Variants in XKR5 observed in about 807,000 individuals in gnomAD.
XKR5 encodes XK related 5.
In XKR5, 46 loss-of-function variants were observed where a neutral mutation model predicts 40.8. That is an observed-to-expected ratio of 1.13 (90% CI 0.89 to 1.44). XKR5 has a LOEUF of 1.44. Among genes scored for constraint, XKR5 ranks in the 40% most tolerant of loss-of-function variants. The pLI, the probability that XKR5 is intolerant of heterozygous loss-of-function variation, is 0.00. For missense variants in XKR5, 1,169 were observed against 844.7 expected, an observed-to-expected ratio of 1.38 and a Z score of -4.76; for synonymous variants, 466 against 356.1, an observed-to-expected ratio of 1.31 and a Z score of -3.48.
rs543351663 is a variant in XKR5 at position 6,810,600 on chromosome 8, A to C, written c.*598T>G. The C allele has an allele frequency of 6.6e-6, 1 of 152,442 alleles. No homozygotes were observed. Among genetic ancestry groups the C allele is most frequent in the Non-Finnish European group, 1.5e-5 (1 of 68,130 alleles). The allele number at this position is 152,442 out of a possible 1,614,324, so 9.4% of individuals were successfully genotyped here. On this transcript the variant is annotated 3_prime_UTR_variant, in exon 7 of 7. Transcript: ENST00000618742. ...AGCATGGGTGAGGCTGAGCTAAGTG[A>C]GTCTACCCTTCCTTTTTAAAAGCTC...
At chr8:6,827,348 T>C (rs1188294860) in intron 2 of XKR5, among the ~76,000 whole-genome samples, 1 of 152,204 alleles carries the variant, frequency 6.6e-6, no homozygotes, top group Non-Finnish European at 1.5e-5. Context: ...CCAAGCTGGA[T>C]GCATCTCGAA....
intron 5 of XKR5, among the ~76,000 whole-genome samples, chr8:6,820,976 T>G (rs186767381): frequency 1.3e-5 from 2 of 152,320 alleles, no homozygotes; most frequent in East Asian, 1.9e-4. Context: ...CAGCTACTTA[T>G]GTATATTATT....
Position 6,835,456 on chromosome 8 carries a change from T to G in XKR5, c.38A>C (p.Gln13Pro). ...ARLLGLSALL[Q>P]AAEQSARLYT... ...CTCACGCGCGCTCTGCTCGGCCGCC[T>G]GCAGCAGGGCCGAGAGCCCCAGGAG... Residue 13 changes from glutamine (Q) to proline (P), a missense_variant, in exon 1 of 7, where the codon CAG (glutamine) becomes CCG (proline). Physicochemically the swap from Gln to Pro is moderately conservative, Grantham distance 76. Transcript: ENST00000618742. 1 of 1,498,752 alleles carries G rather than the reference T, an allele frequency of 6.7e-7. No individual in the cohort carries two copies. 92.8% of individuals were successfully genotyped at this position (1,498,752 alleles called of 1,614,324 possible). A position where few individuals can be genotyped will look rare whatever the true frequency, so the allele number is the denominator to read the frequency against.
chr8:6,831,185 G>A (rs1465715094), intron 2 of XKR5, among the ~76,000 whole-genome samples: 1 of 152,192 alleles, frequency 6.6e-6, no homozygotes, highest in East Asian at 1.9e-4. Context: ...TTACTGGGCT[G>A]GGCCGATCAG....
At chr8:6,833,868 T>C (rs1024965705) in intron 1 of XKR5, among the ~76,000 whole-genome samples, 13 of 152,210 alleles carry the variant, frequency 8.5e-5, no homozygotes, top group African/African-American at 3.1e-4. Flanking sequence ...TGTTGGGCAA[T>C]ATACGACATG....
Position 6,832,645 on chromosome 8 carries a change from C to T in XKR5, c.242+72G>A, listed in dbSNP as rs564357266. The T allele has an allele frequency of 6.3e-6, 10 of 1,576,432 alleles. No homozygotes were observed. The African/African-American group carries it at 9.5e-5, about 15-fold the overall frequency. ...TTTATGAGCTTGAGGACAGAATCCA[C>T]ATGGAGAGAAGATTCCTCTCACTGC... On this transcript the variant is annotated intron_variant, in intron 2 of 6. Coordinates refer to ENST00000618742, the MANE Select transcript of XKR5 (RefSeq NM_207411.5).
At chr8:6,830,813 G>A (rs1366536703) in intron 2 of XKR5, among the ~76,000 whole-genome samples, 1 of 152,044 alleles carries the variant, frequency 6.6e-6, no homozygotes, top group Non-Finnish European at 1.5e-5. Context: ...ATATACACCA[G>A]AAAATCATGG....
In XKR5 at chr8:6,812,063, A is replaced by C; in HGVS notation, c.1196T>G (p.Phe399Cys). Residue 399 changes from phenylalanine to cysteine, a missense_variant, in exon 7 of 7, where the codon TTC (phenylalanine) becomes TGC (cysteine). Physicochemically the swap from Phe to Cys is radical, Grantham distance 205. Transcript: ENST00000618742. Reference protein sequence around the residue: ...LGTQVAVEDSFLSHHHWLWVK... With the variant: ...LGTQVAVEDSCLSHHHWLWVK... ...CCACAGCCAGTGGTGATGACTGAGG[A>C]AAGAGTCCTCCACAGCAACCTGGGT... 1 of 1,539,984 alleles carries C rather than the reference A, an allele frequency of 6.5e-7. No homozygotes were observed. The highest frequency in any genetic ancestry group is 8.7e-7 in the Non-Finnish European group (1 of 1,146,932).
At chr8:6,828,143 C>G (rs1228464701) in intron 2 of XKR5, among the ~76,000 whole-genome samples, 1 of 152,062 alleles carries the variant, frequency 6.6e-6, no homozygotes, top group Non-Finnish European at 1.5e-5. Context: ...GGAAAGAAAA[C>G]ATACAAATGC....
At chr8:6,819,693 C>T (rs1033671646) in intron 5 of XKR5, among the ~76,000 whole-genome samples, 1 of 152,178 alleles carries the variant, frequency 6.6e-6, no homozygotes, top group Non-Finnish European at 1.5e-5. Context: ...GGTTGCAGCC[C>T]CACCTCAGAA....
Position 6,811,221 on chromosome 8 carries a change from G to A in XKR5, c.2038C>T (p.Gln680Ter), listed in dbSNP as rs1251170769. 4 of 1,536,564 alleles carry A rather than the reference G, an allele frequency of 2.6e-6. No homozygotes were observed. Among genetic ancestry groups the A allele is most frequent in the South Asian group, 1.2e-5 (1 of 84,020 alleles). Residue 680 changes from glutamine (Q) to a stop codon, truncating the protein, a stop_gained, in exon 7 of 7, where the codon CAA becomes TAA. Coordinates refer to ENST00000618742, the MANE Select transcript of XKR5 (RefSeq NM_207411.5). LOFTEE classifies it high-confidence loss of function. ...TDCSCREQMK[Q>*]EPSFFI ...GGTCAGATGAAAAAACTCGGCTCTT[G>A]CTTCATCTGTTCCCTGCAGCTGCAG... is the stretch of plus-strand genomic sequence containing the variant.
At chr8:6,835,362 C>T (rs1302163482) in intron 1 of XKR5, 74 bp downstream of exon 1, 5 of 1,336,160 alleles carry the variant, frequency 3.7e-6, no homozygotes, top group Admixed American at 7.9e-5. Context: ...GCATAGGCAG[C>T]CTGTGCGGCT....
At chr8:6,815,292 A>C (rs1050504773) in intron 6 of XKR5, among the ~76,000 whole-genome samples, 3 of 152,332 alleles carry the variant, frequency 2.0e-5, no homozygotes, top group Admixed American at 2.0e-4. Flanking sequence ...GGCTGATGAC[A>C]GTGCCAGGCC....
chr8:6,814,208 C>T (rs534943355), intron 6 of XKR5, among the ~76,000 whole-genome samples: 46 of 152,240 alleles, frequency 3.0e-4, no homozygotes, highest in African/African-American at 9.9e-4. Flanking sequence ...CAATGCTCTG[C>T]GATTCAAATG....
chr8:6,821,924 C>T lies in XKR5; in HGVS notation c.752G>A (p.Cys251Tyr). ...NLLVGAVYIL[C>Y]YLSFWDSPSR... ...AGGGCTGTCCCAGAAGCTGAGGTAG[C>T]AGAGGATGTACACGGCCCCCACGAG... Residue 251 changes from cysteine to tyrosine, a missense_variant, in exon 5 of 7, where the codon TGC (cysteine) becomes TAC (tyrosine). Cys to Tyr is a radical substitution (Grantham distance 194). Transcript: ENST00000618742. The T allele has an allele frequency of 6.2e-7, 1 of 1,613,318 alleles. No homozygotes were observed. The highest frequency in any genetic ancestry group is 1.1e-5 in the South Asian group (1 of 90,908).
chr8:6,826,202 G>T (rs1334890042), intron 2 of XKR5, among the ~76,000 whole-genome samples: 4 of 152,096 alleles, frequency 2.6e-5, no homozygotes. Flanking sequence ...CAAAACATAT[G>T]CATATGTATA....
intron 5 of XKR5, among the ~76,000 whole-genome samples, chr8:6,821,117 C>G (rs550085093): frequency 6.6e-6 from 1 of 152,176 alleles, no homozygotes; most frequent in Non-Finnish European, 1.5e-5. Flanking sequence ...AAATTCTTGG[C>G]TGAAGCCAGC....
chr8:6,819,764 G>A lies in XKR5; in HGVS notation c.807+2105C>T, dbSNP rs561498059. On this transcript the variant is annotated intron_variant, in intron 5 of 6. Transcript: ENST00000618742. ...TAATAGGTTATCCTCGGAGTTATGT[G>A]TTATTTCACCTCTTTATGGTGATAT... 3.9e-5 allele frequency among the ~76,000 whole-genome samples: 6 copies of A among 152,244 alleles called. No individual in the cohort carries two copies. The East Asian group carries it at 9.7e-4, about 25-fold the overall frequency.
At chr8:6,827,376 C>G (rs2980956) in intron 2 of XKR5, among the ~76,000 whole-genome samples, 77,922 of 152,000 alleles carry the variant, frequency 0.51, 20,390 homozygotes, top group African/African-American at 0.6. Context: ...TGCAAAACTC[C>G]CTGTAGAGAC....
Sources: gnomAD v4.1 joint callset for allele counts (sites outside exome capture counted in the v4.1 genomes callset) on GRCh38, gnomAD v4.1.1 for gene constraint, MANE v1.5 for transcripts, NCBI Gene and HGNC (gene_info 2026-07-23, HGNC 2026-07-21) for gene names.